The following COL28A1 variants were observed in gnomAD, a reference collection of about 807,000 sequenced individuals.
COL28A1 encodes the protein collagen type XXVIII alpha 1 chain.
A neutral mutation model predicts 150.2 loss-of-function variants in COL28A1; 161 were observed. The observed-to-expected ratio is 1.07, with a 90% CI of 0.94 to 1.22. COL28A1 has a LOEUF of 1.22. Among genes scored for constraint, COL28A1 ranks in the 50% most tolerant of loss-of-function variants. The pLI, the probability that COL28A1 is intolerant of heterozygous loss-of-function variation, is 0.00. For synonymous variants in COL28A1, 552 were observed against 469.7 expected (o/e 1.18, Z -2.26); for missense variants, 1,617 against 1,388.3 (o/e 1.16, Z -2.62).
Position 7,373,217 on chromosome 7 carries a change from T to C in COL28A1, c.2689A>G (p.Lys897Glu), listed in dbSNP as rs1714864749. 6.2e-7 allele frequency: 1 copy of C among 1,614,198 alleles called. No homozygotes were observed. Among genetic ancestry groups the C allele is most frequent in the Non-Finnish European group, 8.5e-7 (1 of 1,180,018 alleles). ...MFEDARPGVK[K>E]VALVITDGQT... is the part of the protein sequence containing the mutation. Reference sequence around the variant, plus strand: ...CCATCAGTGATGACCAAGGCCACTTTTTTTACACCTGGCCTTGCATCTTCA... The same window carrying C: ...CCATCAGTGATGACCAAGGCCACTTCTTTTACACCTGGCCTTGCATCTTCA... Residue 897 changes from lysine (K) to glutamate (E), a missense_variant, in exon 32 of 35, where the codon AAA becomes GAA. Transcript: ENST00000399429. This position sits in a 1 kb window ranked among gnomAD's most constrained non-coding sequence, Gnocchi z 4.1.
chr7:7,466,185 G>T (rs1788065834), intron 15 of COL28A1, among the ~76,000 whole-genome samples: 1 of 114,838 alleles, frequency 8.7e-6, no homozygotes, highest in African/African-American at 3.4e-5. Flanking sequence ...CAAACCAAAG[G>T]CAAAGAAGTT....
At chr7:7,458,781 G>C (rs1418224853) in intron 15 of COL28A1, among the ~76,000 whole-genome samples, 4 of 152,188 alleles carry the variant, frequency 2.6e-5, no homozygotes, top group Non-Finnish European at 4.4e-5. Context: ...TCACGCAACT[G>C]TTAGACGGCA....
chr7:7,476,135 T>A (rs1420600430), intron 14 of COL28A1, among the ~76,000 whole-genome samples: 1 of 152,198 alleles, frequency 6.6e-6, no homozygotes, highest in Admixed American at 6.5e-5. Flanking sequence ...ATGGAATGAC[T>A]GATGTGGAGG....
chr7:7,432,483 G>C lies in COL28A1; in HGVS notation c.1988C>G (p.Thr663Ser). The change falls in exon 25 of 35, where the codon ACT (threonine) becomes AGT (serine). Residue 663 changes from threonine (T) to serine (S), a missense_variant. Physicochemically the swap from Thr to Ser is moderately conservative, Grantham distance 58. Coordinates refer to ENST00000399429, the MANE Select transcript of COL28A1 (RefSeq NM_001037763.3). ...GPMGLRGVGD[T>S]GAKGEPGVRG... ...ACTTTAAAGTCTTACCTTTGCTCCAGTGTCTCCCACTCCACGTAAACCCAT... is the reference window on the plus strand; with the variant it reads ...ACTTTAAAGTCTTACCTTTGCTCCACTGTCTCCCACTCCACGTAAACCCAT... The C allele has an allele frequency of 6.2e-7, 1 of 1,613,982 alleles. No homozygotes were observed. The highest frequency in any genetic ancestry group is 1.3e-5 in the African/African-American group (1 of 75,000).
intron 27 of COL28A1, among the ~76,000 whole-genome samples, chr7:7,405,864 A>G (rs1783462370): frequency 6.6e-6 from 1 of 152,206 alleles, no homozygotes; most frequent in Non-Finnish European, 1.5e-5. Flanking sequence ...TCTTTAATAT[A>G]TTAATATGAG....
At chr7:7,375,068 C>T (rs996081600) in intron 31 of COL28A1, among the ~76,000 whole-genome samples, 3 of 152,176 alleles carry the variant, frequency 2.0e-5, no homozygotes, top group African/African-American at 7.2e-5. Context: ...TCGGGAAAAA[C>T]ACAGACATTC....
chr7:7,435,423 C>T (rs530506775), intron 23 of COL28A1, among the ~76,000 whole-genome samples: 5 of 152,166 alleles, frequency 3.3e-5, no homozygotes, highest in South Asian at 2.1e-4. Context: ...GGGAAGTAGA[C>T]GAACAATTCG....
intron 25 of COL28A1, 144 bp downstream of exon 25, chr7:7,432,329 G>T (rs956818543): frequency 4.7e-6 from 3 of 641,460 alleles, no homozygotes; most frequent in African/African-American, 3.7e-5. Flanking sequence ...TCCCCAGGAA[G>T]TCTATAGATA....
chr7:7,370,754 G>C lies in COL28A1; in HGVS notation c.3037C>G (p.Pro1013Ala). ...TCAGAAATTTCTTTTTGAGGCTCTG[G>C]AGTAGATTCACTGAGTTCTTCCCCT... ...MSGEELSEST[P>A]EPQKEISESL... Residue 1013 changes from proline to alanine, a missense_variant, in exon 33 of 35, where the codon CCA becomes GCA. Transcript: ENST00000399429. 1 of 1,613,470 alleles carries C rather than the reference G, an allele frequency of 6.2e-7. No individual in the cohort carries two copies. The highest frequency in any genetic ancestry group is 8.5e-7 in the Non-Finnish European group (1 of 1,179,790).
At chr7:7,396,160 G>C (rs895640670) in intron 27 of COL28A1, among the ~76,000 whole-genome samples, 1 of 152,098 alleles carries the variant, frequency 6.6e-6, no homozygotes, top group African/African-American at 2.4e-5. Flanking sequence ...CTTATCCAGA[G>C]ACCCCCTAGA....
chr7:7,364,045 A>G (rs150254337), intron 33 of COL28A1, among the ~76,000 whole-genome samples: 1 of 152,206 alleles, frequency 6.6e-6, no homozygotes, highest in African/African-American at 2.4e-5. Flanking sequence ...GGCTCTCAAT[A>G]TCAACCCTTC....
At chr7:7,505,424 G>T (rs1314380504) in intron 11 of COL28A1, among the ~76,000 whole-genome samples, 1 of 152,128 alleles carries the variant, frequency 6.6e-6, no homozygotes, top group Admixed American at 6.5e-5. Context: ...CACTCTCATT[G>T]GAAAAGAGAG....
the COL28A1 span, among the ~76,000 whole-genome samples, chr7:7,543,064 C>A: frequency 9.2e-5 from 14 of 152,128 alleles, no homozygotes; most frequent in African/African-American, 3.4e-4. Context: ...TGATAAAGAA[C>A]GTATGGTATA....
chr7:7,511,121 T>C lies in COL28A1; in HGVS notation c.897A>G (p.Glu299=), dbSNP rs1781112223. The C allele has an allele frequency of 3.1e-6, 5 of 1,612,324 alleles. No homozygotes were observed. The highest frequency in any genetic ancestry group is 3.4e-6 in the Non-Finnish European group (4 of 1,178,550). The change falls in exon 9 of 35, where the codon GAA becomes GAG. Residue 299 remains glutamate, a synonymous_variant. Coordinates refer to ENST00000399429, the MANE Select transcript of COL28A1 (RefSeq NM_001037763.3). ...CACCTTTTATCCCTGGTTTACCACA[T>C]TCCCCACGTTCACCCTAAAAAATAA... ...GYKGDKGERG[E]CGKPGIKGDK...
Position 7,474,620 on chromosome 7 carries a change from A to G in COL28A1, c.1283T>C (p.Leu428Pro), listed in dbSNP as rs1258898436. The change falls in exon 15 of 35, where the codon CTG becomes CCG. Residue 428 changes from leucine to proline, a missense_variant. By Grantham distance (98) the Leu-to-Pro change is moderately conservative. Coordinates refer to ENST00000399429, the MANE Select transcript of COL28A1 (RefSeq NM_001037763.3). Reference sequence around the variant, plus strand: ...CAGTACCTTCTCCCCTTTGATTGACAGGCCTTGTAATCCCTGTGGGCCAGT... The same window carrying G: ...CAGTACCTTCTCCCCTTTGATTGACGGGCCTTGTAATCCCTGTGGGCCAGT... ...GPTGPQGLQG[L>P]SIKGEKGDIG... The G allele has an allele frequency of 7.4e-7, 1 of 1,342,340 alleles. No individual in the cohort carries two copies. Among genetic ancestry groups the G allele is most frequent in the Non-Finnish European group, 1.1e-6 (1 of 932,436 alleles). The allele number at this position is 1,342,340 out of a possible 1,614,324, so 83.2% of individuals were successfully genotyped here. A position where few individuals can be genotyped will look rare whatever the true frequency, so the allele number is the denominator to read the frequency against.
rs567090411 is a variant in COL28A1, at chr7:7,481,301, C to T, written c.1165-4121G>A. ...TGGACAGTCTTTTAGGAGAAAAAAGCAGTGATCCAAAGTGTAATTACTATA... is the reference window on the plus strand; with the variant it reads ...TGGACAGTCTTTTAGGAGAAAAAAGTAGTGATCCAAAGTGTAATTACTATA... On this transcript the variant is annotated intron_variant, in intron 13 of 34. Transcript: ENST00000399429. Among the ~76,000 whole-genome samples the T allele has an allele frequency of 2.7e-4, 41 of 152,274 alleles. No individual in the cohort carries two copies. In the South Asian group the frequency reaches 8.5e-3, roughly 32 times the overall value.
rs1053510008 is a variant in COL28A1 at position 7,492,580 on chromosome 7, G to A, written c.1027-1934C>T. Among the ~76,000 whole-genome samples, 10 of 99,300 alleles carry A rather than the reference G, an allele frequency of 1.0e-4. 1 individual carries two copies. Among genetic ancestry groups the A allele is most frequent in the Admixed American group, 7.9e-4 (6 of 7,588 alleles). The allele number at this position is 99,300 out of a possible 152,430, so 65.1% of individuals were successfully genotyped here. On this transcript the variant is annotated intron_variant, in intron 11 of 34. Transcript: ENST00000399429. ...AGCTTTGGCAACAGAGTGAGACTCCGTCTGTTAAAAAAAAAAAAAAAAAAA... is the reference window on the plus strand; with the variant it reads ...AGCTTTGGCAACAGAGTGAGACTCCATCTGTTAAAAAAAAAAAAAAAAAAA...
At chr7:7,341,541 G>A in the COL28A1 span, among the ~76,000 whole-genome samples, 1 of 152,036 alleles carries the variant, frequency 6.6e-6, no homozygotes, top group Non-Finnish European at 1.5e-5. Context: ...CTCCGGAGTA[G>A]CCAGGACTAC....
rs142531962 is a variant in COL28A1 at position 7,497,565 on chromosome 7, AC to A, written c.1027-6920del. On this transcript the variant is annotated intron_variant, in intron 11 of 34. Coordinates refer to ENST00000399429, the MANE Select transcript of COL28A1 (RefSeq NM_001037763.3). ...TCACTATGCCAAACTGCCTCTTGAA[AC>A]TTTTTAATTCTTCTTTTAAAGTATT... Among the ~76,000 whole-genome samples, 884 of 152,264 alleles carry A rather than the reference AC, an allele frequency of 5.8e-3. 9 individuals carry two copies. The highest frequency in any genetic ancestry group is 0.02 in the African/African-American group (838 of 41,556).
Sources: allele counts gnomAD v4.1 joint callset (sites outside exome capture counted in the v4.1 genomes callset), GRCh38; gene constraint gnomAD v4.1.1; non-coding constraint Gnocchi (gnomAD v3.1); transcripts MANE v1.5; gene names NCBI Gene and HGNC (gene_info 2026-07-23, HGNC 2026-07-21).